The following ADGRE2 variants were observed in gnomAD, a reference collection of about 807,000 sequenced individuals.
The protein encoded by ADGRE2 is adhesion G protein-coupled receptor E2.
A neutral mutation model predicts 100.8 loss-of-function variants in ADGRE2; 83 were observed. That is an observed-to-expected ratio of 0.82 (90% CI 0.69 to 0.99). ADGRE2 has a LOEUF of 0.99. Ranked by LOEUF, ADGRE2 falls within the 50% of genes least tolerant of loss-of-function variation. The probability of loss-of-function intolerance (pLI) is 0.00; values close to 1 mark genes in which losing one functional copy is unlikely to be tolerated. For synonymous variants in ADGRE2, 355 were observed against 413.0 expected (o/e 0.86, Z 1.70); for missense variants, 814 against 1,035.7 (o/e 0.79, Z 2.94).
rs2043328739 is a variant in ADGRE2, at chr19:14,752,421, T to C, written c.1696A>G (p.Asn566Asp). Residue 566 changes from asparagine to aspartate, a missense_variant, in exon 15 of 21, where the codon AAC (asparagine) becomes GAC (aspartate). Around this residue, in one of 5 missense-constraint regions of ADGRE2, gnomAD observed 569 missense variants for 692.7 expected, o/e 0.82. Transcript: ENST00000315576. ...LTFLLCKAIQ[N>D]TSTSLHLQLS... is the part of the protein sequence containing the mutation. ...TGCAGATGCAGTGAGGTGCTGGTGT[T>C]CTGGATGGCTTTACACAGGAGAAAA... 5 of 1,602,002 alleles carry C rather than the reference T, an allele frequency of 3.1e-6. No homozygotes were observed. In the East Asian group the frequency reaches 1.1e-4, roughly 36 times the overall value.
chr19:14,724,852 T>C, the ADGRE2 span, among the ~76,000 whole-genome samples: 2 of 152,206 alleles, frequency 1.3e-5, no homozygotes, highest in East Asian at 3.9e-4. Flanking sequence ...ATTAATTCTT[T>C]CCGTGAAAAT....
chr19:14,755,532 G>A, intron 13 of ADGRE2, 122 bp downstream of exon 13: 3 of 882,906 alleles, frequency 3.4e-6, no homozygotes, highest in Non-Finnish European at 5.5e-6. Context: ...GGGAAGGACT[G>A]ACTTTCCTGG....
chr19:14,727,485 CAGAGT>C (rs1170309203), downstream of ADGRE2, among the ~76,000 whole-genome samples: 1 of 152,128 alleles, frequency 6.6e-6, no homozygotes, highest in Non-Finnish European at 1.5e-5. Context: ...GAGCAAGAGA[CAGAGT>C]AGAGACGTTC....
intron 12 of ADGRE2, 113 bp from the exon 13 acceptor site, chr19:14,755,990 C>G: frequency 1.1e-6 from 1 of 883,716 alleles, no homozygotes; most frequent in Non-Finnish European, 1.8e-6. Flanking sequence ...CTTCCTTTGG[C>G]TTCACCCCTC....
chr19:14,741,521 G>A (rs1332174064), intron 20 of ADGRE2: 1 of 145,174 alleles, frequency 6.9e-6, no homozygotes, highest in Admixed American at 7.1e-5. Flanking sequence ...CTGTTGCCCA[G>A]GCTGGAGTGC....
At chr19:14,727,250 G>A in the ADGRE2 span, among the ~76,000 whole-genome samples, 51 of 152,134 alleles carry the variant, frequency 3.4e-4, no homozygotes, top group East Asian at 1.5e-3. Context: ...GGATGGTCTC[G>A]ATCTCCTGAC....
Position 14,769,474 on chromosome 19 carries a change from G to A in ADGRE2, c.356-2365C>T, listed in dbSNP as rs544183482. ...CCAGGTAGACAAAAAAAACAAGAATGCTGAGGGGTGAGGGGGATGCAGACA... is the reference window on the plus strand; with the variant it reads ...CCAGGTAGACAAAAAAAACAAGAATACTGAGGGGTGAGGGGGATGCAGACA... On this transcript the variant is annotated intron_variant, in intron 5 of 20. Transcript: ENST00000315576. Among the ~76,000 whole-genome samples the A allele has an allele frequency of 5.3e-5, 8 of 152,188 alleles. No individual in the cohort carries two copies. In the South Asian group the frequency reaches 1.7e-3, roughly 32 times the overall value.
At chr19:14,768,381 T>TGGCA in intron 5 of ADGRE2, among the ~76,000 whole-genome samples, 1 of 152,276 alleles carries the variant, frequency 6.6e-6, no homozygotes, top group Non-Finnish European at 1.5e-5. Flanking sequence ...GTCTTGGAAA[T>TGGCA]GGCAGGATGT....
intron 5 of ADGRE2, among the ~76,000 whole-genome samples, chr19:14,767,770 C>A (rs1037765845): frequency 3.3e-5 from 5 of 152,192 alleles, no homozygotes; most frequent in Admixed American, 1.3e-4. Context: ...CCAGGTAGGA[C>A]CTGTCTTGGT....
Position 14,763,248 on chromosome 19 carries a change from C to G in ADGRE2, c.1084+1185G>C, listed in dbSNP as rs142570136. Among the ~76,000 whole-genome samples the G allele has an allele frequency of 6.9e-3, 1,051 of 152,046 alleles. 16 individuals are homozygous for G. The highest frequency in any genetic ancestry group is 0.024 in the African/African-American group (983 of 41,468). On this transcript the variant is annotated intron_variant, in intron 11 of 20. Coordinates refer to ENST00000315576, the MANE Select transcript of ADGRE2 (RefSeq NM_013447.4). ...GTCCCAGCTACTCGGGAGGCTGAGA[C>G]AGGAGAATGCTGTCAACCCAGGAGG...
chr19:14,751,561 C>T lies in ADGRE2; in HGVS notation c.1899G>A (p.Val633=). 8.7e-6 allele frequency: 14 copies of T among 1,614,038 alleles called. No individual in the cohort carries two copies. The Middle Eastern group carries it at 2.3e-3, about 266-fold the overall frequency. ...YLFLTARNLT[V]VNYSSINRFM... The stretch of plus-strand genomic sequence containing the variant: ...ATCTGTTGATGCTTGAGTAGTTGAC[C>T]ACCGTCAGGTTCCGTGCAGTGAGGA... Residue 633 remains valine, a synonymous_variant, in exon 16 of 21, where the codon GTG becomes GTA. Transcript: ENST00000315576.
At position 14,773,360 on chromosome 19, in the gene ADGRE2, CTCTT is replaced by C. The variant is rs534141101; in HGVS notation, c.199+574_199+577del. Among the ~76,000 whole-genome samples the C allele has an allele frequency of 1.0e-4, 14 of 139,090 alleles. No individual in the cohort carries two copies. The South Asian group carries it at 1.5e-3, about 15-fold the overall frequency. The allele number at this position is 139,090 out of a possible 152,430, so 91.2% of individuals were successfully genotyped here. On this transcript the variant is annotated intron_variant, in intron 4 of 20. Coordinates refer to ENST00000315576, the MANE Select transcript of ADGRE2 (RefSeq NM_013447.4). ...TTTTTCTTTCCCTCCCTCCCTCTCT[CTCTT>C]TTTCTTTTCTTCTCTTTTCTTTCTC...
chr19:14,730,087 C>G (rs2042658151), downstream of ADGRE2, among the ~76,000 whole-genome samples: 1 of 152,168 alleles, frequency 6.6e-6, no homozygotes, highest in South Asian at 2.1e-4. Flanking sequence ...GAGTCTCGCT[C>G]TGTCACCCAG....
At chr19:14,760,862 G>T (rs943771370) in intron 11 of ADGRE2, among the ~76,000 whole-genome samples, 21 of 152,154 alleles carry the variant, frequency 1.4e-4, no homozygotes, top group Non-Finnish European at 8.8e-5. Flanking sequence ...TCTGAAGCCT[G>T]ATACCTGAAG....
chr19:14,743,320 G>A, intron 20 of ADGRE2, 100 bp downstream of exon 20: 1 of 892,418 alleles, frequency 1.1e-6, no homozygotes, highest in Non-Finnish European at 1.9e-6. Flanking sequence ...AGCCTTTCTA[G>A]GGCATTGCCT....
intron 5 of ADGRE2, 96 bp downstream of exon 5, chr19:14,772,246 A>T (rs1212746456): frequency 6.5e-7 from 1 of 1,538,632 alleles, no homozygotes; most frequent in Non-Finnish European, 8.9e-7. Flanking sequence ...AACTGAACCT[A>T]TACTTGGGTA....
At chr19:14,752,582 C>A (rs2043335807) in intron 14 of ADGRE2, 56 bp from the exon 15 acceptor site, 3 of 1,574,252 alleles carry the variant, frequency 1.9e-6, no homozygotes, top group Admixed American at 1.9e-5. Context: ...GGGGTAATGA[C>A]CCCACCACCA....
chr19:14,765,598 T>C (rs1275545004), intron 8 of ADGRE2, 28 bp from the exon 9 acceptor site: 1 of 1,614,204 alleles, frequency 6.2e-7, no homozygotes, highest in Non-Finnish European at 8.5e-7. Context: ...AGCGGCTCAT[T>C]AGGCGGGAGC....
chr19:14,751,302 G>A, intron 16 of ADGRE2, 134 bp downstream of exon 16: 1 of 650,694 alleles, frequency 1.5e-6, no homozygotes, highest in South Asian at 1.9e-5. Flanking sequence ...AGGAGCTGCA[G>A]TGTAATCCAA....
Sources: gnomAD v4.1 joint callset for allele counts (sites outside exome capture counted in the v4.1 genomes callset) on GRCh38, gnomAD v4.1.1 for gene constraint, gnomAD v4.1.1 regional missense constraint, MANE v1.5 for transcripts, NCBI Gene and HGNC (gene_info 2026-07-23, HGNC 2026-07-21) for gene names.